CSMD3: variants seen among roughly 807,000 people sequenced by gnomAD.
The protein encoded by CSMD3 is CUB and Sushi multiple domains 3, also known as CUB and sushi domain-containing protein 3.
CSMD3 carries 177 observed loss-of-function variants against 435.2 expected under a neutral mutation model. That is an observed-to-expected ratio of 0.41 (90% CI 0.36 to 0.46). The LOEUF (loss-of-function observed/expected upper bound fraction) is 0.46. Ranked by LOEUF, CSMD3 falls within the 20% of genes least tolerant of loss-of-function variation. The probability of loss-of-function intolerance (pLI) is 0.34; values close to 1 mark genes in which losing one functional copy is unlikely to be tolerated. For missense variants in CSMD3, 4,265 were observed against 4,504.6 expected (o/e 0.95, Z 1.52); for synonymous variants, 1,656 against 1,520.5 (o/e 1.09, Z -2.07).
intron 1 of CSMD3, among the ~76,000 whole-genome samples, chr8:113,433,730 G>C (rs1179148193): frequency 2.0e-5 from 3 of 152,180 alleles, no homozygotes; most frequent in Non-Finnish European, 4.4e-5. Flanking sequence ...AAGCAGCGTG[G>C]GAAAACATCC....
intron 12 of CSMD3, among the ~76,000 whole-genome samples, chr8:112,828,766 AC>A (rs1402199007): frequency 6.6e-6 from 1 of 152,182 alleles, no homozygotes; most frequent in East Asian, 1.9e-4. Context: ...GAGATAGACC[AC>A]CAAATCATGT....
At chr8:112,405,199 A>AC (rs1563903908) in intron 35 of CSMD3, among the ~76,000 whole-genome samples, 1 of 41,612 alleles carries the variant, frequency 2.4e-5, no homozygotes, top group African/African-American at 7.7e-5. Context: ...AAAAAAAAAA[A>AC]AAAAAAAAAA....
intron 13 of CSMD3, among the ~76,000 whole-genome samples, chr8:112,775,493 G>A (rs1238896815): frequency 6.7e-6 from 1 of 149,808 alleles, no homozygotes; most frequent in South Asian, 2.1e-4. Context: ...TCGTTTTTTA[G>A]TAAGTCAAGT....
intron 22 of CSMD3, among the ~76,000 whole-genome samples, chr8:112,634,434 C>T (rs1487340347): frequency 2.6e-5 from 4 of 151,896 alleles, no homozygotes; most frequent in African/African-American, 9.7e-5. Context: ...AAATGTATGC[C>T]TACCGTGGAA....
intron 6 of CSMD3, among the ~76,000 whole-genome samples, chr8:113,004,653 G>A (rs891758132): frequency 6.6e-5 from 10 of 151,910 alleles, no homozygotes; most frequent in African/African-American, 1.9e-4. Flanking sequence ...TATAGCTGTG[G>A]AATCAATAGT....
intron 32 of CSMD3, among the ~76,000 whole-genome samples, chr8:112,426,497 T>C (rs374392902): frequency 1.3e-5 from 2 of 152,262 alleles, no homozygotes; most frequent in South Asian, 4.1e-4. Flanking sequence ...CACAGATTGA[T>C]ACCCCCAAGA....
intron 32 of CSMD3, among the ~76,000 whole-genome samples, chr8:112,414,143 T>C (rs1043580258): frequency 2.0e-5 from 3 of 152,186 alleles, no homozygotes; most frequent in Non-Finnish European, 4.4e-5. Context: ...ATCTCTCTTC[T>C]CTACTGCGAA....
chr8:112,747,202 T>G (rs1724178858), intron 13 of CSMD3, among the ~76,000 whole-genome samples: 4 of 123,626 alleles, frequency 3.2e-5, no homozygotes, highest in South Asian at 2.7e-4. Context: ...TTTTTTTTTT[T>G]TTTTTTTTTT....
At chr8:112,449,707 A>T (rs1480184437) in intron 32 of CSMD3, among the ~76,000 whole-genome samples, 1 of 152,218 alleles carries the variant, frequency 6.6e-6, no homozygotes. Flanking sequence ...GTGCTCGGTC[A>T]TCATTGTTTT....
intron 27 of CSMD3, among the ~76,000 whole-genome samples, chr8:112,535,025 A>G (rs1367018216): frequency 2.0e-5 from 3 of 152,278 alleles, no homozygotes; most frequent in Middle Eastern, 3.4e-3. Flanking sequence ...TTGATGGGAC[A>G]TATCTCAAAA....
At position 112,840,879 on chromosome 8, in the gene CSMD3, C is replaced by T. The variant is rs562662606; in HGVS notation, c.1756-11090G>A. On this transcript the variant is annotated intron_variant, in intron 11 of 70. Transcript: ENST00000297405. Reference sequence around the variant, plus strand: ...CTATTGACTTATTTAATTGTATACACATATTTAAAAATATGACTCTTTACC... The same window carrying T: ...CTATTGACTTATTTAATTGTATACATATATTTAAAAATATGACTCTTTACC... Among the ~76,000 whole-genome samples, 5 of 151,764 alleles carry T rather than the reference C, an allele frequency of 3.3e-5. No homozygotes were observed. In the East Asian group the frequency reaches 9.7e-4, roughly 29 times the overall value.
intron 67 of CSMD3, among the ~76,000 whole-genome samples, chr8:112,234,678 C>T (rs1165800504): frequency 6.6e-6 from 1 of 152,106 alleles, no homozygotes; most frequent in Non-Finnish European, 1.5e-5. Flanking sequence ...CTTCTGAAAT[C>T]CTCAACTTAT....
chr8:113,089,026 T>G (rs913497107), intron 5 of CSMD3, among the ~76,000 whole-genome samples: 23 of 152,130 alleles, frequency 1.5e-4, no homozygotes, highest in African/African-American at 4.3e-4. Flanking sequence ...AATTTCTCTT[T>G]TTTTCGTGTT....
intron 41 of CSMD3, among the ~76,000 whole-genome samples, chr8:112,342,387 T>C (rs781102611): frequency 2.0e-5 from 3 of 152,122 alleles, no homozygotes; most frequent in Non-Finnish European, 4.4e-5. Flanking sequence ...GCTTAATTAA[T>C]TTAACACTCA....
chr8:113,237,869 G>A (rs2093167501), intron 3 of CSMD3, among the ~76,000 whole-genome samples: 1 of 152,114 alleles, frequency 6.6e-6, no homozygotes, highest in African/African-American at 2.4e-5. Flanking sequence ...GAGGTCAGGA[G>A]TTAGAGACCA....
At chr8:113,142,753 T>G (rs2091579367) in intron 4 of CSMD3, among the ~76,000 whole-genome samples, 1 of 150,880 alleles carries the variant, frequency 6.6e-6, no homozygotes, top group Non-Finnish European at 1.5e-5. Context: ...AATAATTGCA[T>G]CATTTATAAC....
At chr8:113,270,839 G>T (rs1027891432) in intron 3 of CSMD3, among the ~76,000 whole-genome samples, 4 of 151,922 alleles carry the variant, frequency 2.6e-5, no homozygotes, top group East Asian at 3.9e-4. Flanking sequence ...GTGGGAGGAG[G>T]GGGGAGGGAT....
chr8:112,628,597 A>T (rs1333056439), intron 22 of CSMD3, among the ~76,000 whole-genome samples: 1 of 152,202 alleles, frequency 6.6e-6, no homozygotes, highest in Non-Finnish European at 1.5e-5. Flanking sequence ...AATGAAAGTT[A>T]GTAAGTTGAA....
At chr8:112,694,979 C>T (rs578156221) in intron 13 of CSMD3, among the ~76,000 whole-genome samples, 1 of 152,142 alleles carries the variant, frequency 6.6e-6, no homozygotes, top group East Asian at 1.9e-4. Context: ...CGAGTGTGAG[C>T]CGAAGCAGGG....
Sources: gnomAD v4.1 joint callset for allele counts (sites outside exome capture counted in the v4.1 genomes callset) on GRCh38, gnomAD v4.1.1 for gene constraint, MANE v1.5 for transcripts, NCBI Gene and HGNC (gene_info 2026-07-23, HGNC 2026-07-21) for gene names.